The following FNDC3B variants were observed in gnomAD, a reference collection of about 807,000 sequenced individuals.
FNDC3B encodes fibronectin type III domain-containing protein 3B.
FNDC3B carries 12 observed loss-of-function variants against 151.5 expected under a neutral mutation model. That is an observed-to-expected ratio of 0.08 (90% CI 0.05 to 0.13). FNDC3B has a LOEUF of 0.13. Ranked by LOEUF, FNDC3B falls within the 10% of genes least tolerant of loss-of-function variation. The pLI, the probability that FNDC3B is intolerant of heterozygous loss-of-function variation, is 1.00. For missense variants in FNDC3B, 1,214 were observed against 1,505.3 expected (o/e 0.81, Z 3.20); for synonymous variants, 528 against 549.0 (o/e 0.96, Z 0.54).
At chr3:172,052,199 C>A (rs1716693979) in intron 1 of FNDC3B, among the ~76,000 whole-genome samples, 1 of 151,280 alleles carries the variant, frequency 6.6e-6, no homozygotes, top group African/African-American at 2.4e-5. Context: ...ATCCTTCCAC[C>A]CTCAGCCTCC....
chr3:172,344,828 C>CT (rs1187972653), intron 19 of FNDC3B, among the ~76,000 whole-genome samples: 1 of 151,992 alleles, frequency 6.6e-6, no homozygotes, highest in African/African-American at 2.4e-5. Context: ...GGTTGTTGTC[C>CT]TTTTTTTCTT....
intron 3 of FNDC3B, among the ~76,000 whole-genome samples, chr3:172,193,355 C>G (rs1724660285): frequency 9.5e-6 from 1 of 105,408 alleles, no homozygotes; most frequent in African/African-American, 3.8e-5. Context: ...CTTCCTCTAA[C>G]TGCTTTCTCT....
At chr3:172,157,339 C>CA (rs1303942451) in intron 3 of FNDC3B, among the ~76,000 whole-genome samples, 1 of 151,596 alleles carries the variant, frequency 6.6e-6, no homozygotes, top group Admixed American at 6.6e-5. Context: ...TAAGGAGTGG[C>CA]AAAAAATGTG....
At chr3:172,323,944 T>C (rs1732216901) in intron 11 of FNDC3B, among the ~76,000 whole-genome samples, 1 of 151,980 alleles carries the variant, frequency 6.6e-6, no homozygotes, top group Non-Finnish European at 1.5e-5. Context: ...GGCTGGGACT[T>C]CCCCCCAAAG....
At chr3:172,146,430 G>T (rs1721909786) in intron 3 of FNDC3B, among the ~76,000 whole-genome samples, 1 of 152,224 alleles carries the variant, frequency 6.6e-6, no homozygotes, top group South Asian at 2.1e-4. Context: ...TAGGCTAGTT[G>T]TAGGGAAGTG....
At chr3:172,210,962 A>T (rs1394913219) in intron 3 of FNDC3B, among the ~76,000 whole-genome samples, 2 of 152,198 alleles carry the variant, frequency 1.3e-5, no homozygotes, top group Non-Finnish European at 2.9e-5. Flanking sequence ...ACACATTTGC[A>T]AAAGTTGGGA....
At chr3:172,393,028 C>G (rs141030019) in intron 25 of FNDC3B, among the ~76,000 whole-genome samples, 214 of 151,978 alleles carry the variant, frequency 1.4e-3, no homozygotes, top group African/African-American at 4.9e-3. Context: ...GTCTTGAACT[C>G]CTGACCTCAG....
At chr3:172,295,109 A>G (rs547120695) in intron 7 of FNDC3B, among the ~76,000 whole-genome samples, 8 of 152,350 alleles carry the variant, frequency 5.3e-5, no homozygotes, top group African/African-American at 1.7e-4. Flanking sequence ...CTCGCATGAC[A>G]TTATTTTACT....
chr3:172,199,186 ATT>A (rs59302352), intron 3 of FNDC3B, among the ~76,000 whole-genome samples: 1 of 128,250 alleles, frequency 7.8e-6, no homozygotes, highest in Non-Finnish European at 1.7e-5. Flanking sequence ...TTTATTTTTT[ATT>A]TTTTTTTTTT....
rs372531298 is a variant in FNDC3B, at chr3:172,106,446, G to C, written c.-28-6006G>C. Among the ~76,000 whole-genome samples, 8 of 152,312 alleles carry C rather than the reference G, an allele frequency of 5.3e-5. No individual in the cohort carries two copies. The South Asian group carries it at 1.2e-3, about 24-fold the overall frequency. ...AATTCCTCTCATCCAGGCTGGCCCG[G>C]TGGGTTTGGTTCTGATGGGTATACT... On this transcript the variant is annotated intron_variant, in intron 1 of 25. Transcript: ENST00000415807.
chr3:172,378,491 G>A (rs1237575804), intron 24 of FNDC3B, 55 bp downstream of exon 24: 6 of 1,439,322 alleles, frequency 4.2e-6, no homozygotes, highest in Non-Finnish European at 5.6e-6. Context: ...GAACTGTTGG[G>A]ACTTATAGAA....
intron 10 of FNDC3B, among the ~76,000 whole-genome samples, chr3:172,309,888 A>C (rs930338119): frequency 6.6e-6 from 1 of 152,214 alleles, no homozygotes; most frequent in African/African-American, 2.4e-5. Flanking sequence ...CACATGCGAC[A>C]AACAGCCAAG....
intron 3 of FNDC3B, among the ~76,000 whole-genome samples, chr3:172,206,139 A>G (rs1725410158): frequency 1.3e-5 from 2 of 152,276 alleles, no homozygotes; most frequent in Non-Finnish European, 2.9e-5. Context: ...GCTTTTCTCA[A>G]GAGACTATAG....
intron 25 of FNDC3B, 37 bp from the exon 26 acceptor site, chr3:172,397,127 T>C (rs912408537): frequency 1.3e-6 from 2 of 1,510,282 alleles, no homozygotes; most frequent in Non-Finnish European, 1.8e-6. Flanking sequence ...ACAGTGTTGC[T>C]ATAAATTAAT....
chr3:172,122,158 T>C (rs897725900), intron 2 of FNDC3B, among the ~76,000 whole-genome samples: 1 of 152,246 alleles, frequency 6.6e-6, no homozygotes, highest in Non-Finnish European at 1.5e-5. Flanking sequence ...GTCCAAATGA[T>C]TGATTTAAAC....
intron 3 of FNDC3B, among the ~76,000 whole-genome samples, chr3:172,182,626 C>T (rs1560006023): frequency 6.6e-6 from 1 of 152,148 alleles, no homozygotes; most frequent in Non-Finnish European, 1.5e-5. Flanking sequence ...GCAGTCAAGT[C>T]CAGACTGCAA....
intron 3 of FNDC3B, among the ~76,000 whole-genome samples, chr3:172,203,995 C>T (rs1005161297): frequency 6.6e-6 from 1 of 152,144 alleles, no homozygotes; most frequent in Non-Finnish European, 1.5e-5. Flanking sequence ...AAAGAAGGGC[C>T]GCCAGCGTCT....
intron 6 of FNDC3B, among the ~76,000 whole-genome samples, chr3:172,267,240 C>T (rs182229924): frequency 1.1e-3 from 167 of 151,928 alleles, no homozygotes; most frequent in Admixed American, 3.8e-3. Context: ...ACTGCAGCCT[C>T]GACCTCCCTG....
chr3:172,216,143 G>A (rs1406295601), intron 3 of FNDC3B, among the ~76,000 whole-genome samples: 3 of 152,158 alleles, frequency 2.0e-5, no homozygotes, highest in Non-Finnish European at 2.9e-5. Context: ...CGATGCTCTG[G>A]TGATGCCTTT....
Sources: allele counts gnomAD v4.1 joint callset (sites outside exome capture counted in the v4.1 genomes callset), GRCh38; gene constraint gnomAD v4.1.1; transcripts MANE v1.5; gene names NCBI Gene and HGNC (gene_info 2026-07-23, HGNC 2026-07-21).